CAMTA1: variants seen among roughly 807,000 people sequenced by gnomAD.
CAMTA1 encodes calmodulin binding transcription activator 1, also known as calmodulin-binding transcription activator 1.
A neutral mutation model predicts 170.9 loss-of-function variants in CAMTA1; 27 were observed. The observed-to-expected ratio is 0.16, with a 90% CI of 0.12 to 0.22. The LOEUF (loss-of-function observed/expected upper bound fraction) is 0.22. Among genes scored for constraint, CAMTA1 ranks in the 10% least tolerant of loss-of-function variants. CAMTA1 has a pLI of 1.00. For synonymous variants in CAMTA1, 833 were observed against 891.5 expected (o/e 0.93, Z 1.17); for missense variants, 1,619 against 2,217.2 (o/e 0.73, Z 5.42).
chr1:6,885,742 ACCCCTT>A (rs947433509), intron 3 of CAMTA1, among the ~76,000 whole-genome samples: 5 of 151,892 alleles, frequency 3.3e-5, no homozygotes, highest in African/African-American at 1.2e-4. Flanking sequence ...TACCAAACCC[ACCCCTT>A]CCTGATGAAG....
At chr1:7,656,953 G>A (rs1296579143) in intron 7 of CAMTA1, among the ~76,000 whole-genome samples, 2 of 152,214 alleles carry the variant, frequency 1.3e-5, no homozygotes, top group African/African-American at 2.4e-5. Context: ...TTCCTGCGAC[G>A]GCCACTCCCA....
At chr1:6,834,790 A>G (rs1297087097) in intron 3 of CAMTA1, among the ~76,000 whole-genome samples, 1 of 152,074 alleles carries the variant, frequency 6.6e-6, no homozygotes, top group Non-Finnish European at 1.5e-5. Flanking sequence ...GGCGTGTGCC[A>G]CGCCCAGCTA....
At chr1:7,511,689 T>C (rs1431144127) in intron 6 of CAMTA1, among the ~76,000 whole-genome samples, 1 of 152,182 alleles carries the variant, frequency 6.6e-6, no homozygotes, top group African/African-American at 2.4e-5. Flanking sequence ...CACCAGATTC[T>C]TGCTGCCAGA....
At chr1:7,265,143 CCTG>C (rs1668721799) in intron 5 of CAMTA1, among the ~76,000 whole-genome samples, 31 of 152,266 alleles carry the variant, frequency 2.0e-4, no homozygotes, top group Admixed American at 1.9e-3. Context: ...AGGGTCAGCT[CCTG>C]AGCAGGTGAA....
intron 3 of CAMTA1, among the ~76,000 whole-genome samples, chr1:6,935,629 T>G (rs1167010738): frequency 6.6e-6 from 1 of 152,218 alleles, no homozygotes; most frequent in African/African-American, 2.4e-5. Context: ...TTTAATTGTC[T>G]AATCCGCCCG....
chr1:7,079,114 G>A (rs766214857), intron 3 of CAMTA1, among the ~76,000 whole-genome samples: 32 of 152,194 alleles, frequency 2.1e-4, no homozygotes, highest in Non-Finnish European at 4.4e-4. Context: ...CAGCCCGACT[G>A]GGGAGCTGTC....
chr1:7,218,842 C>T (rs1355583033), intron 4 of CAMTA1, among the ~76,000 whole-genome samples: 1 of 151,918 alleles, frequency 6.6e-6, no homozygotes, highest in African/African-American at 2.4e-5. Flanking sequence ...TTTTTCCAGT[C>T]GTGTGAAAGG....
At chr1:7,233,470 C>A (rs754298514) in intron 4 of CAMTA1, among the ~76,000 whole-genome samples, 4 of 152,240 alleles carry the variant, frequency 2.6e-5, no homozygotes, top group Admixed American at 6.5e-5. Flanking sequence ...AATTCTCTCT[C>A]ATCTTAAACC....
intron 4 of CAMTA1, among the ~76,000 whole-genome samples, chr1:7,156,075 A>T (rs1256510459): frequency 2.0e-5 from 3 of 151,904 alleles, no homozygotes; most frequent in African/African-American, 7.3e-5. Context: ...CAACATGGAG[A>T]CATGTTTAAT....
At chr1:7,430,535 G>C (rs2092110133) in intron 5 of CAMTA1, among the ~76,000 whole-genome samples, 3 of 152,104 alleles carry the variant, frequency 2.0e-5, no homozygotes, top group African/African-American at 7.2e-5. Context: ...TGCTGCCGAT[G>C]ATGATGATGG....
chr1:6,860,675 C>T (rs957151407), intron 3 of CAMTA1, among the ~76,000 whole-genome samples: 2 of 152,156 alleles, frequency 1.3e-5, no homozygotes, highest in East Asian at 1.9e-4. Flanking sequence ...TTTGGGAAGT[C>T]GAGGTGGGCG....
Position 7,469,138 on chromosome 1 carries a change from G to A in CAMTA1, c.510+1237G>A, listed in dbSNP as rs147025596. Among the ~76,000 whole-genome samples, 12 of 152,304 alleles carry A rather than the reference G, an allele frequency of 7.9e-5. No homozygotes were observed. In the East Asian group the frequency reaches 9.7e-4, roughly 12 times the overall value. On this transcript the variant is annotated intron_variant, in intron 6 of 22. Coordinates refer to ENST00000303635, the MANE Select transcript of CAMTA1 (RefSeq NM_015215.4). ...ATGATGCCCGAGACCATCCGGGGACGTGCTGATTTGCAGAGGCTGCTTCCC... is the reference window on the plus strand; with the variant it reads ...ATGATGCCCGAGACCATCCGGGGACATGCTGATTTGCAGAGGCTGCTTCCC...
At chr1:7,610,128 A>C (rs903544444) in intron 6 of CAMTA1, among the ~76,000 whole-genome samples, 1 of 151,946 alleles carries the variant, frequency 6.6e-6, no homozygotes, top group African/African-American at 2.4e-5. Context: ...GTTGTGCAAA[A>C]ACACACACAC....
At chr1:7,232,293 C>CT (rs1269298536) in intron 4 of CAMTA1, among the ~76,000 whole-genome samples, 167 of 660 alleles carry the variant, frequency 0.25, no homozygotes, top group Non-Finnish European at 0.13. Flanking sequence ...CACACGGCTG[C>CT]CCCGGCTTCT....
At chr1:7,343,496 G>T (rs2083992203) in intron 5 of CAMTA1, among the ~76,000 whole-genome samples, 1 of 152,198 alleles carries the variant, frequency 6.6e-6, no homozygotes, top group African/African-American at 2.4e-5. Context: ...ATAATCTTCA[G>T]TTCATGACAC....
intron 1 of CAMTA1, among the ~76,000 whole-genome samples, chr1:6,786,318 C>G (rs1569679051): frequency 1.3e-5 from 2 of 152,104 alleles, no homozygotes; most frequent in East Asian, 3.9e-4. Flanking sequence ...TCACATCCTA[C>G]TCTTGCCCTT....
Position 7,588,462 on chromosome 1 carries a change from A to T in CAMTA1, c.511-51938A>T, listed in dbSNP as rs115123133. On this transcript the variant is annotated intron_variant, in intron 6 of 22. Transcript: ENST00000303635. The surrounding 1 kb of genome is among the most constrained non-coding windows in gnomAD (Gnocchi z 5.8). ...ACGCCTCTGCAAGCATCGTTTTATC[A>T]AAACCCTCACCATTGCCATCACCAC... Among the ~76,000 whole-genome samples the T allele has an allele frequency of 5.2e-3, 790 of 152,302 alleles. 8 individuals are homozygous for T. Among genetic ancestry groups the T allele is most frequent in the African/African-American group, 0.018 (730 of 41,568 alleles).
At position 7,426,054 on chromosome 1, in the gene CAMTA1, A is replaced by G. The variant is rs1238594932; in HGVS notation, c.439-41776A>G. On this transcript the variant is annotated intron_variant, in intron 5 of 22. Transcript: ENST00000303635. The surrounding 1 kb of genome is among the most constrained non-coding windows in gnomAD (Gnocchi z 4.8). Reference sequence around the variant, plus strand: ...ATCACAGGTGAGCTGCGGTCCTGGAAAAGGTGGCAGGGTAGGGGCCTCCTG... The same window carrying G: ...ATCACAGGTGAGCTGCGGTCCTGGAGAAGGTGGCAGGGTAGGGGCCTCCTG... Among the ~76,000 whole-genome samples, 3 of 152,166 alleles carry G rather than the reference A, an allele frequency of 2.0e-5. No individual in the cohort carries two copies. Among genetic ancestry groups the G allele is most frequent in the African/African-American group, 7.2e-5 (3 of 41,432 alleles).
intron 11 of CAMTA1, among the ~76,000 whole-genome samples, chr1:7,723,825 G>C (rs760014721): frequency 6.6e-6 from 1 of 152,154 alleles, no homozygotes; most frequent in African/African-American, 2.4e-5. Context: ...TTAAATTTTT[G>C]TTTGGAGATA....
Sources: gnomAD v4.1 joint callset for allele counts (sites outside exome capture counted in the v4.1 genomes callset) on GRCh38, gnomAD v4.1.1 for gene constraint, Gnocchi (gnomAD v3.1) non-coding constraint, MANE v1.5 for transcripts, NCBI Gene and HGNC (gene_info 2026-07-23, HGNC 2026-07-21) for gene names.